Variants in TNFSF13B observed in about 807,000 individuals in gnomAD.
TNFSF13B encodes the protein TNF superfamily member 13b.
A neutral mutation model predicts 29.1 loss-of-function variants in TNFSF13B; 8 were observed. The ratio of observed to expected loss-of-function variants is 0.27; its 90% CI spans 0.16 to 0.50. TNFSF13B has a LOEUF of 0.50. TNFSF13B is among the 20% of genes least tolerant of loss of function. The probability of loss-of-function intolerance (pLI) is 0.98; values close to 1 mark genes in which losing one functional copy is unlikely to be tolerated. For synonymous variants in TNFSF13B, 125 were observed against 130.8 expected (o/e 0.96, Z 0.30); for missense variants, 248 against 334.9 (o/e 0.74, Z 2.03).
In TNFSF13B at chr13:108,279,871, G is replaced by A. The variant is rs536371544; in HGVS notation, c.425-6932G>A. Among the ~76,000 whole-genome samples, 7 of 152,056 alleles carry A rather than the reference G, an allele frequency of 4.6e-5. No individual in the cohort carries two copies. The South Asian group carries it at 1.2e-3, about 27-fold the overall frequency. The stretch of plus-strand genomic sequence containing the variant: ...GATTCATGAGCTGTTAATTTTGTCC[G>A]TGATGCTCCTATTGCTCCTCTTTTT... On this transcript the variant is annotated intron_variant, in intron 2 of 5. Transcript: ENST00000375887.
chr13:108,274,559 C>G (rs539326639), intron 2 of TNFSF13B, among the ~76,000 whole-genome samples: 1 of 151,920 alleles, frequency 6.6e-6, no homozygotes, highest in Non-Finnish European at 1.5e-5. Context: ...GAATGTTGTT[C>G]TAGATACTAT....
chr13:108,283,903 C>T (rs917794309), intron 2 of TNFSF13B, among the ~76,000 whole-genome samples: 1 of 152,184 alleles, frequency 6.6e-6, no homozygotes, highest in South Asian at 2.1e-4. Context: ...GGCATAATCA[C>T]CTCCCCAAAG....
chr13:108,280,105 A>T (rs1470041071), intron 2 of TNFSF13B, among the ~76,000 whole-genome samples: 2 of 145,816 alleles, frequency 1.4e-5, no homozygotes, highest in African/African-American at 5.1e-5. Flanking sequence ...TTAGCACAAC[A>T]CCTGACGTAG....
intron 3 of TNFSF13B, among the ~76,000 whole-genome samples, chr13:108,288,409 A>G (rs928059349): frequency 6.6e-6 from 1 of 152,204 alleles, no homozygotes; most frequent in Non-Finnish European, 1.5e-5. Context: ...CCTTGAAAAA[A>G]GCAGTTAGGA....
chr13:108,285,830 T>C (rs1256371742), intron 2 of TNFSF13B, among the ~76,000 whole-genome samples: 1 of 152,232 alleles, frequency 6.6e-6, no homozygotes, highest in Admixed American at 6.5e-5. Flanking sequence ...TACACTAATA[T>C]TTTCTTAATC....
intron 3 of TNFSF13B, among the ~76,000 whole-genome samples, chr13:108,287,807 C>G (rs992310010): frequency 1.3e-5 from 2 of 152,100 alleles, no homozygotes; most frequent in African/African-American, 2.4e-5. Context: ...TTATTTGAAG[C>G]CTTTTTTAGT....
intron 2 of TNFSF13B, among the ~76,000 whole-genome samples, chr13:108,278,596 TC>T (rs1880828639): frequency 5.6e-3 from 1 of 178 alleles, no homozygotes; most frequent in African/African-American, 0.019. Flanking sequence ...CCTCCCCTTC[TC>T]TTCCTCCTCC....
intron 2 of TNFSF13B, among the ~76,000 whole-genome samples, chr13:108,279,931 A>AG (rs1176711444): frequency 2.6e-5 from 4 of 152,068 alleles, no homozygotes; most frequent in African/African-American, 9.7e-5. Context: ...CTCCCAGAGA[A>AG]GCCTTCCTGA....
In TNFSF13B at chr13:108,307,952, G is replaced by C. The variant is rs1252013907; in HGVS notation, c.*1014G>C. 6.6e-6 allele frequency: 1 copy of C among 151,974 alleles called. No homozygotes were observed. The highest frequency in any genetic ancestry group is 1.5e-5 in the Non-Finnish European group (1 of 67,946). 9.4% of individuals were successfully genotyped at this position (151,974 alleles called of 1,614,324 possible). A position where few individuals can be genotyped will look rare whatever the true frequency, so the allele number is the denominator to read the frequency against. On this transcript the variant is annotated 3_prime_UTR_variant, in exon 6 of 6. Transcript: ENST00000375887. ...TTGGCATCCTGAAGTATGTCACATA[G>C]CATGTGCTCCTTATAAATATGTTGA...
At chr13:108,276,355 T>A (rs769459858) in intron 2 of TNFSF13B, among the ~76,000 whole-genome samples, 23 of 152,256 alleles carry the variant, frequency 1.5e-4, no homozygotes, top group Non-Finnish European at 2.5e-4. Context: ...TTGCAAGAAC[T>A]GGCTTCTGTT....
At chr13:108,294,272 T>G (rs1351931349) in intron 3 of TNFSF13B, among the ~76,000 whole-genome samples, 3 of 151,748 alleles carry the variant, frequency 2.0e-5, no homozygotes, top group African/African-American at 7.3e-5. Flanking sequence ...ATCTGCCTCC[T>G]GGGTTCAAGT....
chr13:108,270,854 G>C (rs578203152), intron 2 of TNFSF13B, among the ~76,000 whole-genome samples: 35 of 152,256 alleles, frequency 2.3e-4, no homozygotes, highest in African/African-American at 7.7e-4. Flanking sequence ...TCTGTTTTCT[G>C]AATGTACATT....
chr13:108,292,452 A>G (rs560142378), intron 3 of TNFSF13B, among the ~76,000 whole-genome samples: 44 of 152,060 alleles, frequency 2.9e-4, no homozygotes, highest in African/African-American at 1.0e-3. Context: ...CCTCTTTTCA[A>G]TTATTTGGAG....
At chr13:108,288,421 A>G (rs963430311) in intron 3 of TNFSF13B, among the ~76,000 whole-genome samples, 5 of 152,210 alleles carry the variant, frequency 3.3e-5, no homozygotes, top group Non-Finnish European at 5.9e-5. Context: ...CAGTTAGGAC[A>G]TCTAACTTAC....
intron 2 of TNFSF13B, among the ~76,000 whole-genome samples, chr13:108,279,434 T>G (rs1374557762): frequency 6.6e-6 from 1 of 152,196 alleles, no homozygotes; most frequent in Non-Finnish European, 1.5e-5. Context: ...GGAGTTCCAC[T>G]GGATAGAAGG....
intron 2 of TNFSF13B, among the ~76,000 whole-genome samples, chr13:108,282,260 ATG>A (rs149019174): frequency 0.014 from 2,063 of 152,294 alleles, 53 homozygotes; most frequent in African/African-American, 0.047. Context: ...TCTGTGTGTA[ATG>A]TTTTTCATGG....
intron 3 of TNFSF13B, among the ~76,000 whole-genome samples, chr13:108,294,304 C>G (rs185986033): frequency 6.6e-6 from 1 of 151,748 alleles, no homozygotes; most frequent in South Asian, 2.1e-4. Flanking sequence ...CTCAGCCTCC[C>G]GAGTAGCTGG....
intron 2 of TNFSF13B, among the ~76,000 whole-genome samples, chr13:108,281,196 G>A (rs747256459): frequency 6.6e-5 from 10 of 152,052 alleles, no homozygotes; most frequent in Non-Finnish European, 1.0e-4. Context: ...AGCCAAGATT[G>A]TGCCATTGCA....
intron 2 of TNFSF13B, among the ~76,000 whole-genome samples, chr13:108,278,711 T>TTTC (rs1168961452): frequency 2.3e-5 from 3 of 131,198 alleles, no homozygotes; most frequent in African/African-American, 5.8e-5. Flanking sequence ...CTCCTCCCCT[T>TTTC]CTCTTCCTCC....
Sources: gnomAD v4.1 joint callset for allele counts (sites outside exome capture counted in the v4.1 genomes callset) on GRCh38, gnomAD v4.1.1 for gene constraint, MANE v1.5 for transcripts, NCBI Gene and HGNC (gene_info 2026-07-23, HGNC 2026-07-21) for gene names.